The following ARAP1 variants were observed in gnomAD, a reference collection of about 807,000 sequenced individuals.
ARAP1 encodes the protein arf-GAP with Rho-GAP domain, ANK repeat and PH domain-containing protein 1.
ARAP1 carries 76 observed loss-of-function variants against 172.2 expected under a neutral mutation model. That is an observed-to-expected ratio of 0.44 (90% confidence interval 0.37 to 0.53). The LOEUF is 0.53. ARAP1 is among the 20% of genes least tolerant of loss of function. ARAP1 has a pLI of 0.00. For synonymous variants in ARAP1, 804 were observed against 803.3 expected (o/e 1.00, Z -0.01); for missense variants, 1,686 against 1,977.5 (o/e 0.85, Z 2.80).
chr11:72,707,082 C>T (rs1856802127), intron 12 of ARAP1, 93 bp downstream of exon 12: 6 of 1,329,654 alleles, frequency 4.5e-6, no homozygotes, highest in Middle Eastern at 2.6e-4. Context: ...GTGCTGTCTC[C>T]GCTCCAGGCC....
intron 3 of ARAP1, among the ~76,000 whole-genome samples, chr11:72,718,299 C>A (rs1857368770): frequency 6.6e-6 from 1 of 151,958 alleles, no homozygotes; most frequent in Non-Finnish European, 1.5e-5. Flanking sequence ...CCACAGAATG[C>A]CCCCGCCATA....
At chr11:72,743,481 G>C (rs543259033) in intron 1 of ARAP1, among the ~76,000 whole-genome samples, 1 of 152,134 alleles carries the variant, frequency 6.6e-6, no homozygotes. Flanking sequence ...GGTCTGCAGA[G>C]GGTTGGACTG....
In ARAP1 at chr11:72,702,758, G is replaced by C. The variant is rs936697205; in HGVS notation, c.2167+147C>G. ...TGCATACGTAGTACAAATACACACT[G>C]ACATGCAAACCCAAGCACACCCCAG... On this transcript the variant is annotated intron_variant, in intron 15 of 34. Coordinates refer to ENST00000393609, the MANE Select transcript of ARAP1 (RefSeq NM_001040118.3). The C allele has an allele frequency of 8.1e-6, 8 of 986,648 alleles. No individual in the cohort carries two copies. The African/African-American group carries it at 1.3e-4, about 16-fold the overall frequency. 61.1% of individuals were successfully genotyped at this position (986,648 alleles called of 1,614,324 possible).
rs760458999 is a variant in ARAP1 at position 72,692,739 on chromosome 11, C to T, written c.3987+14G>A. The T allele has an allele frequency of 3.7e-6, 6 of 1,613,678 alleles. No individual in the cohort carries two copies. Among genetic ancestry groups the T allele is most frequent in the South Asian group, 1.1e-5 (1 of 91,086 alleles). ...TGGTGTAAGGCAGCTGGCAGTCAGC[C>T]CACAGCTACTCACGGTCTCAGGGGC... On this transcript the variant is annotated intron_variant, in intron 30 of 34. Transcript: ENST00000393609.
At position 72,699,238 on chromosome 11, in the gene ARAP1, G is replaced by A. The variant is rs959777569; in HGVS notation, c.2439-131C>T. ...GCTTGTCCTTATTCTGGTCCCCTAA[G>A]AGGTGGTGGAAAAGTCTTGGGCTGG... On this transcript the variant is annotated intron_variant, in intron 17 of 34. Coordinates refer to ENST00000393609, the MANE Select transcript of ARAP1 (RefSeq NM_001040118.3). The surrounding 1 kb of genome is among the most constrained non-coding windows in gnomAD (Gnocchi z 4.2). The A allele has an allele frequency of 1.1e-5, 15 of 1,374,848 alleles. No individual in the cohort carries two copies. The highest frequency in any genetic ancestry group is 1.5e-5 in the Non-Finnish European group (15 of 996,452). The allele number at this position is 1,374,848 out of a possible 1,614,324, so 85.2% of individuals were successfully genotyped here. A position where few individuals can be genotyped will look rare whatever the true frequency, so the allele number is the denominator to read the frequency against.
chr11:72,722,227 C>CTGTGTGTA (rs1857548619), intron 3 of ARAP1: 1 of 984,868 alleles, frequency 1.0e-6, no homozygotes, highest in South Asian at 4.7e-5. Flanking sequence ...CTCTGTGTGT[C>CTGTGTGTA]TGTGTGTATG....
rs1856019574 is a variant in ARAP1, at chr11:72,693,272, C to T, written c.3954+53G>A. Reference sequence around the variant, plus strand: ...GCAGACCAAGGGGAATCTCTGAGCACATTCAGGTGTACAGGTGCCCACCCT... The same window carrying T: ...GCAGACCAAGGGGAATCTCTGAGCATATTCAGGTGTACAGGTGCCCACCCT... On this transcript the variant is annotated intron_variant, in intron 29 of 34. Transcript: ENST00000393609. The surrounding 1 kb of genome is among the most constrained non-coding windows in gnomAD (Gnocchi z 4.6). 1 of 1,591,854 alleles carries T rather than the reference C, an allele frequency of 6.3e-7. No homozygotes were observed. The highest frequency in any genetic ancestry group is 2.2e-5 in the East Asian group (1 of 44,580).
chr11:72,693,076 CAG>C lies in ARAP1; in HGVS notation c.3954+247_3954+248del. The C allele has an allele frequency of 1.5e-6, 1 of 653,240 alleles. No individual in the cohort carries two copies. The highest frequency in any genetic ancestry group is 2.6e-6 in the Non-Finnish European group (1 of 379,980). 40.5% of individuals were successfully genotyped at this position (653,240 alleles called of 1,614,324 possible). A position where few individuals can be genotyped will look rare whatever the true frequency, so the allele number is the denominator to read the frequency against. On this transcript the variant is annotated intron_variant, in intron 29 of 34. Transcript: ENST00000393609. This position sits in a 1 kb window ranked among gnomAD's most constrained non-coding sequence, Gnocchi z 4.6. ...GTGATAAGGCACAGGCACAGTGAGA[CAG>C]AGCATGGGCATGGAGTGGTGTGATG...
intron 1 of ARAP1, among the ~76,000 whole-genome samples, chr11:72,745,161 C>T (rs899985419): frequency 2.0e-5 from 3 of 151,290 alleles, no homozygotes; most frequent in African/African-American, 7.3e-5. Flanking sequence ...TGCAAACCCA[C>T]ACAGCAGCCC....
chr11:72,686,154 A>C lies in ARAP1; in HGVS notation c.4223T>G (p.Val1408Gly), dbSNP rs748005955. The C allele has an allele frequency of 6.2e-7, 1 of 1,613,894 alleles. No individual in the cohort carries two copies. Among genetic ancestry groups the C allele is most frequent in the South Asian group, 1.1e-5 (1 of 91,080 alleles). Reference protein sequence around the residue: ...GLVWPSEPSRVSRAVPEVRLG... With the variant: ...GLVWPSEPSRGSRAVPEVRLG... Reference sequence around the variant, plus strand: ...CCGGACCTCAGGCACTGCCCGGGACACGCGTGAGGGCTCTGAGGGCCACAC... The same window carrying C: ...CCGGACCTCAGGCACTGCCCGGGACCCGCGTGAGGGCTCTGAGGGCCACAC... Residue 1408 changes from valine (V) to glycine (G), a missense_variant, in exon 34 of 35, where the codon GTG (valine) becomes GGG (glycine). Val to Gly is a moderately radical substitution (Grantham distance 109, BLOSUM62 -3). Transcript: ENST00000393609.
intron 30 of ARAP1, among the ~76,000 whole-genome samples, chr11:72,692,133 T>A (rs1351156982): frequency 2.0e-5 from 3 of 152,040 alleles, no homozygotes; most frequent in Non-Finnish European, 2.9e-5. Flanking sequence ...CTGGGACCCA[T>A]GGGGGCATCA....
At chr11:72,719,811 C>T (rs1463426250) in intron 3 of ARAP1, among the ~76,000 whole-genome samples, 1 of 152,148 alleles carries the variant, frequency 6.6e-6, no homozygotes, top group African/African-American at 2.4e-5. Flanking sequence ...CCTGACTGAG[C>T]TGCAGTCTAT....
chr11:72,704,487 G>T (rs1217294225), intron 13 of ARAP1, 153 bp from the exon 14 acceptor site: 3 of 809,054 alleles, frequency 3.7e-6, no homozygotes, highest in Non-Finnish European at 5.6e-6. Flanking sequence ...AGCCTGGCCT[G>T]CTGGTGGCTG....
At chr11:72,721,903 C>G (rs1035251818) in intron 3 of ARAP1, 1 of 985,886 alleles carries the variant, frequency 1.0e-6, no homozygotes, top group Non-Finnish European at 1.2e-6. Context: ...TCCGGCCAGG[C>G]GGGCTGCGTA....
chr11:72,686,224 C>A, intron 33 of ARAP1, 33 bp from the exon 34 acceptor site: 1 of 1,595,256 alleles, frequency 6.3e-7, no homozygotes, highest in Admixed American at 1.7e-5. Context: ...CTGGGCTCAG[C>A]TTCAGTTCAC....
chr11:72,723,517 G>C (rs1041072025), intron 3 of ARAP1, among the ~76,000 whole-genome samples: 1 of 152,072 alleles, frequency 6.6e-6, no homozygotes, highest in African/African-American at 2.4e-5. Context: ...TCACAGCCTC[G>C]TTCTTCCCAC....
intron 23 of ARAP1, among the ~76,000 whole-genome samples, chr11:72,696,112 T>C (rs1591179149): frequency 1.3e-5 from 2 of 151,058 alleles, no homozygotes; most frequent in African/African-American, 2.4e-5. Flanking sequence ...CCAACAGTTC[T>C]GGCAGAAGGG....
chr11:72,716,172 CAAAAAAA>C (rs201462857), intron 3 of ARAP1, among the ~76,000 whole-genome samples: 1 of 73,302 alleles, frequency 1.4e-5, no homozygotes, highest in South Asian at 4.5e-4. Context: ...GACTCCGTCT[CAAAAAAA>C]AAAAAAAAAA....
At position 72,696,554 on chromosome 11, in the gene ARAP1, C is replaced by T. The variant is rs1363634981; in HGVS notation, c.3267G>A (p.Leu1089=). Residue 1089 remains leucine (L), a synonymous_variant, in exon 23 of 35, where the codon CTG becomes CTA. Coordinates refer to ENST00000393609, the MANE Select transcript of ARAP1 (RefSeq NM_001040118.3). ...ACAATGGTATCGTCCCTCACCAGTA[C>T]AGGTGGCTGATAAGGGCCTTCACTG... ...RATVKALISH[L]YCVQCFSDTN... The T allele has an allele frequency of 6.4e-7, 1 of 1,574,742 alleles. No homozygotes were observed. The highest frequency in any genetic ancestry group is 8.6e-7 in the Non-Finnish European group (1 of 1,156,980).
Sources: allele counts gnomAD v4.1 joint callset (sites outside exome capture counted in the v4.1 genomes callset), GRCh38; gene constraint gnomAD v4.1.1; non-coding constraint Gnocchi (gnomAD v3.1); transcripts MANE v1.5; gene names NCBI Gene and HGNC (gene_info 2026-07-23, HGNC 2026-07-21).